KCNMB2: variants seen among roughly 807,000 people sequenced by gnomAD.
KCNMB2 encodes the protein calcium-activated potassium channel subunit beta-2.
KCNMB2 carries 9 observed loss-of-function variants against 24.5 expected under a neutral mutation model. The observed-to-expected ratio is 0.37, with a 90% confidence interval of 0.22 to 0.64. The LOEUF (loss-of-function observed/expected upper bound fraction) is 0.64, where lower values mean the gene tolerates loss of function less well. KCNMB2 is among the 30% of genes least tolerant of loss of function. KCNMB2 has a pLI of 0.63. For synonymous variants in KCNMB2, 109 were observed against 104.4 expected, an observed-to-expected ratio of 1.04 and a Z score of -0.27; for missense variants, 226 against 284.3, an observed-to-expected ratio of 0.79 and a Z score of 1.47.
chr3:178,597,500 G>A (rs1391600320), intron 1 of KCNMB2, among the ~76,000 whole-genome samples: 1 of 152,108 alleles, frequency 6.6e-6, no homozygotes, highest in African/African-American at 2.4e-5. Flanking sequence ...GCACAACACT[G>A]AGTTTGCACA....
intron 1 of KCNMB2, among the ~76,000 whole-genome samples, chr3:178,614,683 A>G (rs1292722440): frequency 1.3e-5 from 2 of 152,048 alleles, no homozygotes; most frequent in Non-Finnish European, 2.9e-5. Context: ...TCTCTGTGTT[A>G]TCTGGAATTT....
chr3:178,593,745 A>C (rs1208852377), intron 1 of KCNMB2, among the ~76,000 whole-genome samples: 2 of 151,192 alleles, frequency 1.3e-5, no homozygotes, highest in Non-Finnish European at 2.9e-5. Context: ...CCCGTGTTGC[A>C]ATGTCCTTCC....
At chr3:178,667,635 C>G (rs909463125) in intron 1 of KCNMB2, among the ~76,000 whole-genome samples, 1 of 151,452 alleles carries the variant, frequency 6.6e-6, no homozygotes, top group Admixed American at 6.6e-5. Context: ...AATTTACAGC[C>G]AAAAAAAAGA....
chr3:178,727,835 A>C (rs1723012742), intron 1 of KCNMB2, among the ~76,000 whole-genome samples: 1 of 152,214 alleles, frequency 6.6e-6, no homozygotes, highest in Non-Finnish European at 1.5e-5. Flanking sequence ...TAAGCTACTA[A>C]GTTTGTGGTA....
intron 1 of KCNMB2, among the ~76,000 whole-genome samples, chr3:178,645,252 G>A (rs1366696052): frequency 6.6e-6 from 1 of 151,894 alleles, no homozygotes. Context: ...GTTTCTCCAT[G>A]TTGGTCAGGT....
intron 1 of KCNMB2, among the ~76,000 whole-genome samples, chr3:178,765,075 T>G (rs932669347): frequency 7.2e-5 from 11 of 152,214 alleles, no homozygotes; most frequent in Non-Finnish European, 1.0e-4. Flanking sequence ...TAAATTACAG[T>G]GTGAACACAT....
intron 1 of KCNMB2, among the ~76,000 whole-genome samples, chr3:178,600,980 G>T (rs538671234): frequency 6.6e-6 from 1 of 152,094 alleles, no homozygotes; most frequent in Non-Finnish European, 1.5e-5. Flanking sequence ...TAAAGAAAAT[G>T]TGGAACATAT....
intron 1 of KCNMB2, among the ~76,000 whole-genome samples, chr3:178,673,456 A>C (rs1261385262): frequency 6.6e-6 from 1 of 152,016 alleles, no homozygotes; most frequent in African/African-American, 2.4e-5. Context: ...TTACTGAAAA[A>C]AAATAGAAGC....
chr3:178,603,806 C>A (rs1212817706), intron 1 of KCNMB2, among the ~76,000 whole-genome samples: 1 of 152,136 alleles, frequency 6.6e-6, no homozygotes, highest in African/African-American at 2.4e-5. Flanking sequence ...AGTTTAAGCA[C>A]CTTCATTCTG....
intron 1 of KCNMB2, among the ~76,000 whole-genome samples, chr3:178,601,522 C>G (rs983897353): frequency 6.6e-6 from 1 of 152,056 alleles, no homozygotes; most frequent in Non-Finnish European, 1.5e-5. Context: ...AGTGAATATC[C>G]CTGTCCACAG....
At chr3:178,727,074 A>G (rs1486638045) in intron 1 of KCNMB2, among the ~76,000 whole-genome samples, 1 of 152,114 alleles carries the variant, frequency 6.6e-6, no homozygotes, top group East Asian at 1.9e-4. Flanking sequence ...AAGTAAGCTA[A>G]TAACAGCAAA....
At chr3:178,569,170 C>T (rs979272750) in intron 1 of KCNMB2, among the ~76,000 whole-genome samples, 1 of 152,088 alleles carries the variant, frequency 6.6e-6, no homozygotes, top group African/African-American at 2.4e-5. Flanking sequence ...TAAATAGCCA[C>T]CAGAAGCTTC....
Position 178,757,976 on chromosome 3 carries a change from CA to C in KCNMB2, c.-67-49366del, listed in dbSNP as rs1577156869. Among the ~76,000 whole-genome samples the C allele has an allele frequency of 6.8e-5, 4 of 58,702 alleles. 1 individual carries two copies. Among genetic ancestry groups the C allele is most frequent in the Non-Finnish European group, 6.3e-5 (2 of 31,664 alleles). The allele number at this position is 58,702 out of a possible 152,430, so 38.5% of individuals were successfully genotyped here. A position where few individuals can be genotyped will look rare whatever the true frequency, so the allele number is the denominator to read the frequency against. ...AGACACAAGAGGATATATATATAGA[CA>C]CAAGAGGATATATATATATATCTAG... is the stretch of plus-strand genomic sequence containing the variant. On this transcript the variant is annotated intron_variant, in intron 1 of 4. Coordinates refer to ENST00000452583, the MANE Select transcript of KCNMB2 (RefSeq NM_181361.3).
chr3:178,614,394 G>T (rs1441001007), intron 1 of KCNMB2, among the ~76,000 whole-genome samples: 1 of 147,020 alleles, frequency 6.8e-6, no homozygotes, highest in East Asian at 2.0e-4. Flanking sequence ...CATGGCTGGG[G>T]AGGCCTCATA....
intron 2 of KCNMB2, among the ~76,000 whole-genome samples, chr3:178,811,014 A>G (rs1373066459): frequency 6.6e-6 from 1 of 151,062 alleles, no homozygotes; most frequent in Non-Finnish European, 1.5e-5. Flanking sequence ...AGCCTCCCAA[A>G]GTGCTGGGAT....
intron 1 of KCNMB2, among the ~76,000 whole-genome samples, chr3:178,711,919 GT>G (rs1722467891): frequency 1.3e-5 from 2 of 152,258 alleles, no homozygotes; most frequent in South Asian, 4.1e-4. Flanking sequence ...ATGCTGCGTT[GT>G]TATGAGGATT....
chr3:178,653,587 T>A (rs868345048), intron 1 of KCNMB2, among the ~76,000 whole-genome samples: 26 of 152,218 alleles, frequency 1.7e-4, no homozygotes, highest in Middle Eastern at 3.4e-3. Context: ...GGCCTGGCCC[T>A]CCAGGAAATT....
chr3:178,797,037 G>C (rs6803677), intron 1 of KCNMB2, among the ~76,000 whole-genome samples: 5,056 of 151,672 alleles, frequency 0.033, 299 homozygotes, highest in African/African-American at 0.11. Flanking sequence ...AATAAAATCA[G>C]ATAAAAAAAA....
intron 1 of KCNMB2, among the ~76,000 whole-genome samples, chr3:178,645,584 G>C (rs947844151): frequency 6.6e-6 from 1 of 152,190 alleles, no homozygotes; most frequent in African/African-American, 2.4e-5. Context: ...GCAGCCCTGG[G>C]AGCCAGTGTA....
Sources: allele counts gnomAD v4.1 joint callset (sites outside exome capture counted in the v4.1 genomes callset), GRCh38; gene constraint gnomAD v4.1.1; transcripts MANE v1.5; gene names NCBI Gene and HGNC (gene_info 2026-07-23, HGNC 2026-07-21).